The following MAGI2 variants were observed in gnomAD, a reference collection of about 807,000 sequenced individuals.
The protein encoded by MAGI2 is membrane associated guanylate kinase, WW and PDZ domain containing 2.
A neutral mutation model predicts 133.3 loss-of-function variants in MAGI2; 35 were observed. The ratio of observed to expected loss-of-function variants is 0.26; its 90% CI spans 0.20 to 0.35. The LOEUF is 0.35. Among genes scored for constraint, MAGI2 ranks in the 10% least tolerant of loss-of-function variants. The pLI, the probability that MAGI2 is intolerant of heterozygous loss-of-function variation, is 1.00. For missense variants in MAGI2, 1,636 were observed against 1,863.4 expected, an observed-to-expected ratio of 0.88 and a Z score of 2.25; for synonymous variants, 729 against 710.6, an observed-to-expected ratio of 1.03 and a Z score of -0.41.
At chr7:78,338,072 A>AT (rs1427422386) in intron 9 of MAGI2, among the ~76,000 whole-genome samples, 1 of 152,210 alleles carries the variant, frequency 6.6e-6, no homozygotes, top group Non-Finnish European at 1.5e-5. Context: ...AATGGTTTTA[A>AT]TTACAGGTAT....
intron 1 of MAGI2, among the ~76,000 whole-genome samples, chr7:79,028,172 A>G: frequency 6.8e-6 from 1 of 146,328 alleles, no homozygotes; most frequent in Non-Finnish European, 1.5e-5. Context: ...AAATCGCTCC[A>G]CTGCACTCCA....
At chr7:78,054,468 G>A (rs749673297) in intron 21 of MAGI2, among the ~76,000 whole-genome samples, 3 of 151,958 alleles carry the variant, frequency 2.0e-5, no homozygotes, top group Non-Finnish European at 4.4e-5. Context: ...GACTGGAGAG[G>A]CAGGAATTCT....
chr7:79,073,051 AC>A (rs988690937), intron 1 of MAGI2, among the ~76,000 whole-genome samples: 12 of 152,048 alleles, frequency 7.9e-5, no homozygotes, highest in African/African-American at 2.9e-4. Flanking sequence ...AACAACAACA[AC>A]AAAAAAAACA....
rs969461566 is a variant in MAGI2 at position 79,418,803 on chromosome 7, G to GA, written c.301+34216dup. ...CTCTAGGTTTATTAGCCCCAACAATGAAAAAAAAAGCAAGTTCCAATACAC... is the reference window on the plus strand; with the variant it reads ...CTCTAGGTTTATTAGCCCCAACAATGAAAAAAAAAAGCAAGTTCCAATACAC... On this transcript the variant is annotated intron_variant, in intron 1 of 21. Transcript: ENST00000354212. Among the ~76,000 whole-genome samples, 11 of 136,768 alleles carry GA rather than the reference G, an allele frequency of 8.0e-5. 1 individual carries two copies. In the South Asian group the frequency reaches 1.2e-3, roughly 14 times the overall value. 89.7% of individuals were successfully genotyped at this position (136,768 alleles called of 152,430 possible). A position where few individuals can be genotyped will look rare whatever the true frequency, so the allele number is the denominator to read the frequency against.
intron 9 of MAGI2, among the ~76,000 whole-genome samples, chr7:78,330,900 G>A (rs1562835309): frequency 6.6e-6 from 1 of 152,168 alleles, no homozygotes; most frequent in African/African-American, 2.4e-5. Flanking sequence ...AGTTCAGAGA[G>A]ACAGAGTAGT....
chr7:79,300,154 G>A (rs1837284991), intron 1 of MAGI2, among the ~76,000 whole-genome samples: 1 of 152,172 alleles, frequency 6.6e-6, no homozygotes, highest in Admixed American at 6.5e-5. Context: ...ACCTGAAAAT[G>A]TGGATGTGAC....
chr7:79,289,666 T>C (rs1169002210), intron 1 of MAGI2, among the ~76,000 whole-genome samples: 2 of 152,188 alleles, frequency 1.3e-5, no homozygotes, highest in Admixed American at 6.6e-5. Context: ...TTGGATTCAG[T>C]TACCACTGGA....
chr7:78,446,547 T>A (rs1314893925), intron 6 of MAGI2, among the ~76,000 whole-genome samples: 1 of 152,092 alleles, frequency 6.6e-6, no homozygotes, highest in Non-Finnish European at 1.5e-5. Flanking sequence ...GGCAACCTTT[T>A]GGTTGTCTTC....
chr7:78,059,557 C>T (rs1314456431), intron 21 of MAGI2, among the ~76,000 whole-genome samples: 3 of 152,154 alleles, frequency 2.0e-5, no homozygotes, highest in Non-Finnish European at 4.4e-5. Flanking sequence ...GCCCTTTGCT[C>T]TCCTCTCTGC....
intron 1 of MAGI2, among the ~76,000 whole-genome samples, chr7:79,152,798 A>G (rs1823382660): frequency 6.6e-6 from 1 of 152,186 alleles, no homozygotes; most frequent in Non-Finnish European, 1.5e-5. Context: ...CCTGTTCTCT[A>G]TGCATGAGGT....
intron 2 of MAGI2, among the ~76,000 whole-genome samples, chr7:78,787,982 T>C (rs1826972671): frequency 6.6e-6 from 1 of 152,230 alleles, no homozygotes. Context: ...GCTACCCTTC[T>C]CTTCATTCTC....
At position 78,239,988 on chromosome 7, in the gene MAGI2, C is replaced by T. The variant is rs1298563063; in HGVS notation, c.2047+15955G>A. Among the ~76,000 whole-genome samples the T allele has an allele frequency of 2.0e-5, 3 of 148,396 alleles. No homozygotes were observed. In the East Asian group the frequency reaches 6.0e-4, roughly 30 times the overall value. Reference sequence around the variant, plus strand: ...TTTTTTTTCTATTTGTTTCCTAGAACTTTTTTTTTTAATACTTTAAGTTCT... The same window carrying T: ...TTTTTTTTCTATTTGTTTCCTAGAATTTTTTTTTTTAATACTTTAAGTTCT... On this transcript the variant is annotated intron_variant, in intron 10 of 21. Coordinates refer to ENST00000354212, the MANE Select transcript of MAGI2 (RefSeq NM_012301.4).
intron 2 of MAGI2, among the ~76,000 whole-genome samples, chr7:78,974,790 A>T (rs1723024304): frequency 6.6e-6 from 1 of 151,822 alleles, no homozygotes; most frequent in African/African-American, 2.4e-5. Context: ...TAGACACTGT[A>T]TGGCTTAAAA....
chr7:78,684,120 C>A (rs369192413), intron 2 of MAGI2, among the ~76,000 whole-genome samples: 1 of 152,118 alleles, frequency 6.6e-6, no homozygotes, highest in African/African-American at 2.4e-5. Context: ...AATAAGGATC[C>A]ATTATGTCAT....
intron 2 of MAGI2, among the ~76,000 whole-genome samples, chr7:78,758,283 T>A (rs1388729599): frequency 1.3e-5 from 2 of 152,184 alleles, no homozygotes; most frequent in Non-Finnish European, 2.9e-5. Flanking sequence ...TCTGTTTTAT[T>A]ATATATCCCA....
intron 20 of MAGI2, among the ~76,000 whole-genome samples, chr7:78,114,331 A>G (rs994293357): frequency 2.0e-5 from 3 of 152,250 alleles, no homozygotes; most frequent in African/African-American, 7.2e-5. Context: ...GTCCTCAAAC[A>G]GATAAACTCA....
chr7:78,616,877 T>A (rs1400743602), intron 3 of MAGI2: 1 of 152,202 alleles, frequency 6.6e-6, no homozygotes, highest in Non-Finnish European at 1.5e-5. Flanking sequence ...TATTGAGCAC[T>A]GCTTAGGTGC....
At chr7:78,828,005 C>T (rs1299044920) in intron 2 of MAGI2, among the ~76,000 whole-genome samples, 1 of 152,156 alleles carries the variant, frequency 6.6e-6, no homozygotes, top group East Asian at 1.9e-4. Context: ...CTGCCTCAGC[C>T]TCCCAAGTAG....
chr7:79,174,285 A>G (rs1431142497), intron 1 of MAGI2, among the ~76,000 whole-genome samples: 1 of 152,100 alleles, frequency 6.6e-6, no homozygotes, highest in Non-Finnish European at 1.5e-5. Flanking sequence ...TAATGAAACA[A>G]AATATAGATG....
Sources: allele counts gnomAD v4.1 joint callset (sites outside exome capture counted in the v4.1 genomes callset), GRCh38; gene constraint gnomAD v4.1.1; transcripts MANE v1.5; gene names NCBI Gene and HGNC (gene_info 2026-07-23, HGNC 2026-07-21).